Variants in ATP13A3 observed in about 807,000 individuals in gnomAD.
The protein encoded by ATP13A3 is ATPase 13A3, also known as polyamine-transporting ATPase 13A3.
ATP13A3 carries 59 observed loss-of-function variants against 158.1 expected under a neutral mutation model. That is an observed-to-expected ratio of 0.37 (90% CI 0.30 to 0.46). ATP13A3 has a LOEUF of 0.46. Among genes scored for constraint, ATP13A3 ranks in the 20% least tolerant of loss-of-function variants. ATP13A3 has a pLI of 1.00. For synonymous variants in ATP13A3, 491 were observed against 504.3 expected, an observed-to-expected ratio of 0.97 and a Z score of 0.35; for missense variants, 1,166 against 1,525.2, an observed-to-expected ratio of 0.76 and a Z score of 3.92.
intron 2 of ATP13A3, among the ~76,000 whole-genome samples, chr3:194,466,296 CA>C (rs1260768490): frequency 6.6e-6 from 1 of 151,862 alleles, no homozygotes; most frequent in Non-Finnish European, 1.5e-5. Flanking sequence ...TCACTGAAAC[CA>C]AAAAGGCTGG....
Position 194,433,902 on chromosome 3 carries a change from G to A in ATP13A3, c.2121-6C>T, listed in dbSNP as rs2108830312. On this transcript the variant is annotated splice_region_variant and splice_polypyrimidine_tract_variant and intron_variant, in intron 20 of 33. Coordinates refer to ENST00000645319, the MANE Select transcript of ATP13A3 (RefSeq NM_001367549.1). ...TGTTGTTCTCAATTGCATCTCTGCA[G>A]AAAAAGAAGTTTTAACACATAATGG... is the stretch of plus-strand genomic sequence containing the variant. The A allele has an allele frequency of 1.9e-6, 3 of 1,612,356 alleles. No individual in the cohort carries two copies. Among genetic ancestry groups the A allele is most frequent in the Non-Finnish European group, 2.5e-6 (3 of 1,179,174 alleles).
chr3:194,474,227 C>T (rs1026832645), intron 2 of ATP13A3, among the ~76,000 whole-genome samples: 1 of 151,994 alleles, frequency 6.6e-6, no homozygotes, highest in African/African-American at 2.4e-5. Flanking sequence ...ACAGTGGCAC[C>T]GTCACAGCTG....
chr3:194,470,119 T>C (rs1720235231), intron 2 of ATP13A3, among the ~76,000 whole-genome samples: 6 of 152,152 alleles, frequency 3.9e-5, no homozygotes, highest in African/African-American at 1.2e-4. Flanking sequence ...CAGCTAAATT[T>C]TAACAAAGCT....
chr3:194,429,199 C>T (rs1451531947), intron 27 of ATP13A3, among the ~76,000 whole-genome samples: 4 of 152,076 alleles, frequency 2.6e-5, no homozygotes, highest in Non-Finnish European at 5.9e-5. Flanking sequence ...GAGGCCGAGG[C>T]GGGCAGATCA....
Position 194,448,661 on chromosome 3 carries a change from A to G in ATP13A3, c.971-25T>C, listed in dbSNP as rs777385702. ...CCTTTAAAAAACAACAACAACAACAAAAACAGTTTACAAATTATTAAACGA... is the reference window on the plus strand; with the variant it reads ...CCTTTAAAAAACAACAACAACAACAGAAACAGTTTACAAATTATTAAACGA... On this transcript the variant is annotated intron_variant, in intron 11 of 33. Coordinates refer to ENST00000645319, the MANE Select transcript of ATP13A3 (RefSeq NM_001367549.1). This position sits in a 1 kb window ranked among gnomAD's most constrained non-coding sequence, Gnocchi z 4.0. 1 of 1,594,528 alleles carries G rather than the reference A, an allele frequency of 6.3e-7. No individual in the cohort carries two copies. Among genetic ancestry groups the G allele is most frequent in the South Asian group, 1.1e-5 (1 of 87,434 alleles).
chr3:194,468,107 C>T (rs1458129394), intron 2 of ATP13A3: 1 of 152,102 alleles, frequency 6.6e-6, no homozygotes, highest in African/African-American at 2.4e-5. Flanking sequence ...TGTTTCGGTT[C>T]TGTCTGAACT....
At chr3:194,487,209 T>G (rs1356703457), upstream of ATP13A3, among the ~76,000 whole-genome samples, 2 of 152,090 alleles carry the variant, frequency 1.3e-5, no homozygotes, top group Non-Finnish European at 2.9e-5. Flanking sequence ...ACGCTGGGTG[T>G]CAGCCCGGGG....
rs1173397768 is a variant in ATP13A3 at position 194,493,789 on chromosome 3, C to G, written n.746+261G>C. ...GGTTCTGAATACTTTCATATGTTATCTCATTTAATCATCACAACGATGCCA... is the reference window on the plus strand; with the variant it reads ...GGTTCTGAATACTTTCATATGTTATGTCATTTAATCATCACAACGATGCCA... On this transcript the variant is annotated intron_variant and non_coding_transcript_variant, in intron 2 of 32. Transcript: ENST00000687055. Among the ~76,000 whole-genome samples the G allele has an allele frequency of 4.6e-5, 7 of 152,070 alleles. No individual in the cohort carries two copies. The East Asian group carries it at 1.3e-3, about 29-fold the overall frequency.
At chr3:194,484,268 T>C (rs1720878042) in intron 2 of ATP13A3, among the ~76,000 whole-genome samples, 1 of 152,150 alleles carries the variant, frequency 6.6e-6, no homozygotes, top group Non-Finnish European at 1.5e-5. Flanking sequence ...AAGAAGAATA[T>C]TGTTACCTGA....
At chr3:194,477,056 C>T (rs140794893) in intron 2 of ATP13A3, among the ~76,000 whole-genome samples, 1 of 152,312 alleles carries the variant, frequency 6.6e-6, no homozygotes, top group Non-Finnish European at 1.5e-5. Context: ...TCATTTAGAA[C>T]ACAATCTGTA....
chr3:194,484,855 C>T (rs1228294965), intron 2 of ATP13A3, among the ~76,000 whole-genome samples: 3 of 151,910 alleles, frequency 2.0e-5, no homozygotes, highest in Non-Finnish European at 4.4e-5. Context: ...CAGTAGTTCA[C>T]GACCAGCCTG....
In ATP13A3 at chr3:194,403,424, G is replaced by A. The variant is rs1714742023; in HGVS notation, c.*2495C>T. On this transcript the variant is annotated 3_prime_UTR_variant, in exon 34 of 34. Transcript: ENST00000645319. Reference sequence around the variant, plus strand: ...TATAGTTACCACTATTTATACTTGAGGGAGAAAAAAAACTTTAAACAACCC... The same window carrying A: ...TATAGTTACCACTATTTATACTTGAAGGAGAAAAAAAACTTTAAACAACCC... 1 of 152,072 alleles carries A rather than the reference G, an allele frequency of 6.6e-6. No homozygotes were observed. 9.4% of individuals were successfully genotyped at this position (152,072 alleles called of 1,614,324 possible).
intron 6 of ATP13A3, among the ~76,000 whole-genome samples, chr3:194,457,993 C>G (rs1463096473): frequency 6.6e-6 from 1 of 152,008 alleles, no homozygotes. Flanking sequence ...ACCACGTTGG[C>G]CAGAATGGTC....
chr3:194,435,591 G>A (rs1010420790), intron 20 of ATP13A3, among the ~76,000 whole-genome samples: 22 of 151,806 alleles, frequency 1.4e-4, no homozygotes, highest in African/African-American at 5.3e-4. Flanking sequence ...TGTCATGGAA[G>A]GATGTCTCAA....
chr3:194,429,911 C>T (rs1717093351), intron 26 of ATP13A3, 137 bp from the exon 27 acceptor site: 1 of 979,142 alleles, frequency 1.0e-6, no homozygotes, highest in Non-Finnish European at 1.5e-6. Context: ...AAGAACTAAA[C>T]CAAATGAGGA....
chr3:194,412,123 C>A, intron 33 of ATP13A3, 76 bp downstream of exon 33: 1 of 1,175,672 alleles, frequency 8.5e-7, no homozygotes, highest in East Asian at 2.5e-5. Flanking sequence ...AACAAGAACA[C>A]GCTAGAGAAT....
rs367867839 is a variant in ATP13A3 at position 194,431,739 on chromosome 3, T to C, written c.2399A>G (p.His800Arg). 1.6e-5 allele frequency: 26 copies of C among 1,601,472 alleles called. No individual in the cohort carries two copies. The African/African-American group carries it at 2.6e-4, about 16-fold the overall frequency. ...TACCTCTGGGTCAATTGCTGATGGA[T>C]GACTGCACTGCGTGAGGGAGTCTGC... ...HYADSLTQCSHPSAIDPEAIP... is the reference protein window; with the variant it reads ...HYADSLTQCSRPSAIDPEAIP... Residue 800 changes from histidine (H) to arginine (R), a missense_variant, in exon 22 of 34, where the codon CAT (histidine) becomes CGT (arginine). His to Arg is a conservative substitution (Grantham distance 29, BLOSUM62 0). Around this residue, in one of 3 missense-constraint regions of ATP13A3, gnomAD observed 997 missense variants for 1,341.2 expected, o/e 0.74. Coordinates refer to ENST00000645319, the MANE Select transcript of ATP13A3 (RefSeq NM_001367549.1).
At chr3:194,431,283 T>C (rs1158373806) in intron 22 of ATP13A3, 57 bp from the exon 23 acceptor site, 3 of 1,512,972 alleles carry the variant, frequency 2.0e-6, no homozygotes, top group Non-Finnish European at 2.7e-6. Context: ...GTAAAACAAT[T>C]CTATTTTAAA....
At chr3:194,458,079 C>T (rs1008857006) in intron 6 of ATP13A3, among the ~76,000 whole-genome samples, 11 of 152,050 alleles carry the variant, frequency 7.2e-5, no homozygotes, top group Admixed American at 7.2e-4. Flanking sequence ...AGCCACCACC[C>T]CCCGCCTTAA....
Sources: gnomAD v4.1 joint callset for allele counts (sites outside exome capture counted in the v4.1 genomes callset) on GRCh38, gnomAD v4.1.1 for gene constraint, gnomAD v4.1.1 regional missense constraint, Gnocchi (gnomAD v3.1) non-coding constraint, MANE v1.5 for transcripts, NCBI Gene and HGNC (gene_info 2026-07-23, HGNC 2026-07-21) for gene names.